LHFPL6: variants seen among roughly 807,000 people sequenced by gnomAD.
LHFPL6 encodes LHFPL tetraspan subfamily member 6 protein.
Under a neutral mutation model 20.6 loss-of-function variants are expected in LHFPL6, and 9 were observed. The ratio of observed to expected loss-of-function variants is 0.44; its 90% confidence interval spans 0.26 to 0.76. LHFPL6 has a LOEUF of 0.76. Ranked by LOEUF, LHFPL6 falls within the 30% of genes least tolerant of loss-of-function variation. The probability of loss-of-function intolerance (pLI) is 0.20; values close to 1 mark genes in which losing one functional copy is unlikely to be tolerated. For synonymous variants in LHFPL6, 105 were observed against 98.7 expected (o/e 1.06, Z -0.38); for missense variants, 218 against 253.5 (o/e 0.86, Z 0.95).
intron 2 of LHFPL6, among the ~76,000 whole-genome samples, chr13:39,567,603 C>T (rs533002639): frequency 1.3e-5 from 2 of 152,212 alleles, no homozygotes; most frequent in Non-Finnish European, 2.9e-5. Flanking sequence ...CCTCTTCTAC[C>T]TTTTCCTTCC....
intron 2 of LHFPL6, among the ~76,000 whole-genome samples, chr13:39,470,663 A>C (rs1872920763): frequency 6.6e-6 from 1 of 152,216 alleles, no homozygotes. Context: ...TTTATAATAA[A>C]TAGTTAATAA....
intron 2 of LHFPL6, among the ~76,000 whole-genome samples, chr13:39,449,532 G>A (rs1872385206): frequency 6.6e-6 from 1 of 152,114 alleles, no homozygotes; most frequent in African/African-American, 2.4e-5. Context: ...GAAAAATATT[G>A]TAACTGTGAA....
intron 2 of LHFPL6, among the ~76,000 whole-genome samples, chr13:39,470,887 G>T (rs9741636): frequency 0.062 from 9,503 of 152,182 alleles, 1,017 homozygotes; most frequent in African/African-American, 0.22. Flanking sequence ...CATCATCACC[G>T]TGGTTACCTC....
chr13:39,479,750 C>T (rs941916930), intron 2 of LHFPL6, among the ~76,000 whole-genome samples: 2 of 152,152 alleles, frequency 1.3e-5, no homozygotes, highest in Non-Finnish European at 2.9e-5. Flanking sequence ...TATAAACACA[C>T]AAGCATTTTT....
At chr13:39,599,768 G>A (rs865962959) in intron 2 of LHFPL6, among the ~76,000 whole-genome samples, 1 of 152,100 alleles carries the variant, frequency 6.6e-6, no homozygotes, top group African/African-American at 2.4e-5. Context: ...AATCCATTGG[G>A]GTTCTCTAAT....
chr13:39,459,038 TTAATTTA>T (rs1872632862), intron 2 of LHFPL6, among the ~76,000 whole-genome samples: 1 of 152,154 alleles, frequency 6.6e-6, no homozygotes, highest in Non-Finnish European at 1.5e-5. Context: ...CCAAGGACTT[TTAATTTA>T]TACATTTTAA....
intron 2 of LHFPL6, among the ~76,000 whole-genome samples, chr13:39,580,188 G>A (rs1029576969): frequency 1.3e-5 from 2 of 152,058 alleles, no homozygotes; most frequent in Admixed American, 6.6e-5. Flanking sequence ...TATGGGAAGA[G>A]AGATGGGGAA....
At chr13:39,509,010 A>G (rs991762447) in intron 2 of LHFPL6, among the ~76,000 whole-genome samples, 1 of 152,118 alleles carries the variant, frequency 6.6e-6, no homozygotes, top group African/African-American at 2.4e-5. Flanking sequence ...TATGCTTCGT[A>G]TGGTTAGTCT....
At chr13:39,516,295 G>A (rs1195877247) in intron 2 of LHFPL6, among the ~76,000 whole-genome samples, 1 of 152,192 alleles carries the variant, frequency 6.6e-6, no homozygotes, top group South Asian at 2.1e-4. Flanking sequence ...TTATTTGCAG[G>A]CCATCCTGCC....
chr13:39,523,495 T>C (rs1593348370), intron 2 of LHFPL6, among the ~76,000 whole-genome samples: 1 of 138,698 alleles, frequency 7.2e-6, no homozygotes, highest in Admixed American at 8.0e-5. Context: ...CGTGAACCCG[T>C]GGGGCGGAGC....
intron 2 of LHFPL6, among the ~76,000 whole-genome samples, chr13:39,496,772 T>G (rs528163987): frequency 6.6e-6 from 1 of 152,320 alleles, no homozygotes; most frequent in Non-Finnish European, 1.5e-5. Context: ...TTTGCTCTAC[T>G]GGCCACCACA....
At chr13:39,563,115 C>G (rs1034561750) in intron 2 of LHFPL6, among the ~76,000 whole-genome samples, 3 of 125,420 alleles carry the variant, frequency 2.4e-5, no homozygotes, top group African/African-American at 7.7e-5. Flanking sequence ...CACACACACA[C>G]ACACACACAC....
At chr13:39,545,054 A>C (rs1383304050) in intron 2 of LHFPL6, among the ~76,000 whole-genome samples, 1 of 151,722 alleles carries the variant, frequency 6.6e-6, no homozygotes, top group Non-Finnish European at 1.5e-5. Context: ...CATCCTGGCT[A>C]ACATGGTGAA....
intron 3 of LHFPL6, among the ~76,000 whole-genome samples, chr13:39,351,918 A>G (rs1311576918): frequency 6.6e-6 from 1 of 152,176 alleles, no homozygotes; most frequent in African/African-American, 2.4e-5. Flanking sequence ...GCACCCCAGT[A>G]GTCTCTCTGA....
At chr13:39,533,971 T>C (rs1870542627) in intron 2 of LHFPL6, among the ~76,000 whole-genome samples, 1 of 152,160 alleles carries the variant, frequency 6.6e-6, no homozygotes, top group Non-Finnish European at 1.5e-5. Flanking sequence ...AAAATACATA[T>C]GTACTCTTGT....
rs781560212 is a variant in LHFPL6 at position 39,464,461 on chromosome 13, C to A, written c.386-85935G>T. Among the ~76,000 whole-genome samples the A allele has an allele frequency of 9.2e-5, 14 of 152,178 alleles. No homozygotes were observed. The Middle Eastern group carries it at 0.01, about 111-fold the overall frequency. On this transcript the variant is annotated intron_variant, in intron 2 of 3. Transcript: ENST00000379589. ...CCATAAAATGAATAGTTACTAAAGA[C>A]AATTAAGATGGAATTTGGAATGAAC...
chr13:39,512,041 T>C (rs937581003), intron 2 of LHFPL6, among the ~76,000 whole-genome samples: 4 of 152,202 alleles, frequency 2.6e-5, no homozygotes, highest in Admixed American at 2.0e-4. Context: ...ATTTTCTGGT[T>C]CTGAAGTGGG....
rs548638351 is a variant in LHFPL6, at chr13:39,582,103, A to T, written c.385+18729T>A. 7.2e-5 allele frequency among the ~76,000 whole-genome samples: 11 copies of T among 152,144 alleles called. No homozygotes were observed. In the South Asian group the frequency reaches 2.1e-3, roughly 29 times the overall value. On this transcript the variant is annotated intron_variant, in intron 2 of 3. Coordinates refer to ENST00000379589, the MANE Select transcript of LHFPL6 (RefSeq NM_005780.3). ...TGAACCAAAAGCTGTCCAGAACTCA[A>T]CTCATCCCCTTGCTTCCTAAATCAG...
intron 2 of LHFPL6, among the ~76,000 whole-genome samples, chr13:39,446,796 T>TA (rs761460742): frequency 1.3e-5 from 2 of 152,204 alleles, no homozygotes; most frequent in Non-Finnish European, 1.5e-5. Flanking sequence ...CTGTTAACTA[T>TA]ATGCAATACA....
Sources: allele counts gnomAD v4.1 joint callset (sites outside exome capture counted in the v4.1 genomes callset), GRCh38; gene constraint gnomAD v4.1.1; transcripts MANE v1.5; gene names NCBI Gene and HGNC (gene_info 2026-07-23, HGNC 2026-07-21).